CSGALNACT1: variants seen among roughly 807,000 people sequenced by gnomAD.
CSGALNACT1 encodes beta4GalNAcT-1.
Under a neutral mutation model 51.0 loss-of-function variants are expected in CSGALNACT1, and 52 were observed. The ratio of observed to expected loss-of-function variants is 1.02; its 90% CI spans 0.82 to 1.29. The LOEUF is 1.29. CSGALNACT1 is among the 50% of genes most tolerant of loss of function. The probability of loss-of-function intolerance (pLI) is 0.00; values close to 1 mark genes in which losing one functional copy is unlikely to be tolerated. For missense variants in CSGALNACT1, 935 were observed against 679.2 expected (o/e 1.38, Z -4.19); for synonymous variants, 341 against 254.4 (o/e 1.34, Z -3.24).
chr8:19,666,102 C>G (rs1213211096), intron 1 of CSGALNACT1, among the ~76,000 whole-genome samples: 5 of 152,172 alleles, frequency 3.3e-5, no homozygotes, highest in African/African-American at 1.2e-4. Flanking sequence ...AGGCAGACTT[C>G]AAGATTTTTC....
At chr8:19,606,036 C>T (rs1459423639), upstream of CSGALNACT1, among the ~76,000 whole-genome samples, 1 of 152,212 alleles carries the variant, frequency 6.6e-6, no homozygotes, top group African/African-American at 2.4e-5. Context: ...AAGGCTTACT[C>T]ACCTGCATCT....
chr8:19,699,337 C>A (rs2061740475), intron 1 of CSGALNACT1, among the ~76,000 whole-genome samples: 1 of 152,180 alleles, frequency 6.6e-6, no homozygotes, highest in Non-Finnish European at 1.5e-5. Flanking sequence ...TTTCTGTACA[C>A]CCATGTTCAT....
At chr8:19,536,679 G>A (rs1444590160) in intron 3 of CSGALNACT1, among the ~76,000 whole-genome samples, 3 of 152,140 alleles carry the variant, frequency 2.0e-5, no homozygotes, top group Non-Finnish European at 2.9e-5. Flanking sequence ...ATCTACGTAA[G>A]AAAGCAAAAG....
chr8:19,551,313 C>T (rs1209307617), intron 3 of CSGALNACT1, among the ~76,000 whole-genome samples: 3 of 152,158 alleles, frequency 2.0e-5, no homozygotes, highest in African/African-American at 7.2e-5. Context: ...TCAGATCATG[C>T]TCATTCCACC....
intron 1 of CSGALNACT1, among the ~76,000 whole-genome samples, chr8:19,716,552 C>G (rs368327813): frequency 1.6e-5 from 2 of 127,968 alleles, no homozygotes; most frequent in East Asian, 4.8e-4. Flanking sequence ...CTGAGGCAGA[C>G]AGATCACTTG....
chr8:19,453,957 A>C (rs2063630730), intron 5 of CSGALNACT1, among the ~76,000 whole-genome samples: 1 of 152,142 alleles, frequency 6.6e-6, no homozygotes, highest in African/African-American at 2.4e-5. Context: ...AAACAATAGA[A>C]GCTGAGATGA....
intron 3 of CSGALNACT1, among the ~76,000 whole-genome samples, chr8:19,543,589 A>C (rs900387781): frequency 6.6e-6 from 1 of 152,170 alleles, no homozygotes; most frequent in Non-Finnish European, 1.5e-5. Context: ...CTAAACTCAC[A>C]GTCTCCAGTG....
At chr8:19,454,729 G>A (rs1260604846) in intron 5 of CSGALNACT1, among the ~76,000 whole-genome samples, 1 of 152,032 alleles carries the variant, frequency 6.6e-6, no homozygotes, top group African/African-American at 2.4e-5. Context: ...AAGGCAGAAA[G>A]TGTAGCTGTG....
At chr8:19,655,048 G>C (rs1306881663) in intron 1 of CSGALNACT1, among the ~76,000 whole-genome samples, 3 of 152,090 alleles carry the variant, frequency 2.0e-5, no homozygotes, top group Non-Finnish European at 4.4e-5. Flanking sequence ...AAAATACATT[G>C]AGTAATAAGC....
intron 4 of CSGALNACT1, among the ~76,000 whole-genome samples, chr8:19,470,578 G>C (rs1289130651): frequency 2.6e-5 from 4 of 152,198 alleles, no homozygotes; most frequent in Non-Finnish European, 4.4e-5. Flanking sequence ...TGGGAAGCGA[G>C]TGGCGGAAGT....
chr8:19,474,681 C>A (rs1288405275), intron 4 of CSGALNACT1, among the ~76,000 whole-genome samples: 2 of 151,798 alleles, frequency 1.3e-5, no homozygotes, highest in East Asian at 3.9e-4. Context: ...CCAGCCTAAC[C>A]AACATGGCAA....
intron 1 of CSGALNACT1, among the ~76,000 whole-genome samples, chr8:19,682,298 T>C (rs1480305074): frequency 6.6e-6 from 1 of 152,152 alleles, no homozygotes; most frequent in Non-Finnish European, 1.5e-5. Flanking sequence ...TTTGGGCCGC[T>C]AGGCAATGTG....
At chr8:19,745,946 G>A (rs1352217871) in intron 1 of CSGALNACT1, among the ~76,000 whole-genome samples, 2 of 152,122 alleles carry the variant, frequency 1.3e-5, no homozygotes, top group Non-Finnish European at 2.9e-5. Flanking sequence ...GAAGCAGGTG[G>A]TCACTTAGGC....
chr8:19,514,497 A>ATG (rs1300276647), intron 3 of CSGALNACT1, among the ~76,000 whole-genome samples: 4 of 136,166 alleles, frequency 2.9e-5, no homozygotes, highest in Admixed American at 2.9e-4. Flanking sequence ...ATATATATAT[A>ATG]TATATATATA....
chr8:19,686,282 G>A (rs1375365510), upstream of CSGALNACT1, among the ~76,000 whole-genome samples: 3 of 152,102 alleles, frequency 2.0e-5, no homozygotes, highest in African/African-American at 7.2e-5. Context: ...AACAACGGAT[G>A]GACTGAACAC....
rs930632786 is a variant in CSGALNACT1, at chr8:19,619,992, C to G, written c.-543-18127G>C. 9.2e-5 allele frequency among the ~76,000 whole-genome samples: 14 copies of G among 152,058 alleles called. No individual in the cohort carries two copies. In the East Asian group the frequency reaches 2.7e-3, roughly 30 times the overall value. On this transcript the variant is annotated intron_variant, in intron 1 of 9. Transcript: ENST00000332246. ...AAGGAGGAGAATAATGGGACCTACC[C>G]GAAGAGATTAACCAGGAAACTTCTA...
Position 19,423,953 on chromosome 8 carries a change from G to A in CSGALNACT1, c.954-3435C>T, listed in dbSNP as rs182793692. Among the ~76,000 whole-genome samples the A allele has an allele frequency of 5.5e-3, 839 of 152,300 alleles. 2 individuals are homozygous for A. Among genetic ancestry groups the A allele is most frequent in the Middle Eastern group, 0.017 (5 of 294 alleles). Reference sequence around the variant, plus strand: ...CTGTTTCCATGTGGACCATATGGGGGCCGGCGCACACACACACAGCACCAG... The same window carrying A: ...CTGTTTCCATGTGGACCATATGGGGACCGGCGCACACACACACAGCACCAG... On this transcript the variant is annotated intron_variant, in intron 6 of 9. Coordinates refer to ENST00000454498, the Ensembl canonical transcript of CSGALNACT1.
At chr8:19,552,711 C>T (rs2088492496) in intron 3 of CSGALNACT1, among the ~76,000 whole-genome samples, 1 of 152,152 alleles carries the variant, frequency 6.6e-6, no homozygotes, top group Non-Finnish European at 1.5e-5. Flanking sequence ...TTCAATTTTT[C>T]TTTGCAACAG....
intron 4 of CSGALNACT1, among the ~76,000 whole-genome samples, chr8:19,466,414 A>C (rs1056710464): frequency 6.6e-6 from 1 of 152,224 alleles, no homozygotes; most frequent in Non-Finnish European, 1.5e-5. Flanking sequence ...CAATAGCACA[A>C]ATCTGTTTAC....
Sources: allele counts gnomAD v4.1 joint callset (sites outside exome capture counted in the v4.1 genomes callset), GRCh38; gene constraint gnomAD v4.1.1; transcripts MANE v1.5; gene names NCBI Gene and HGNC (gene_info 2026-07-23, HGNC 2026-07-21).